The following ZNF516 variants were observed in gnomAD, a reference collection of about 807,000 sequenced individuals.
The protein encoded by ZNF516 is zinc finger protein 516.
ZNF516 carries 19 observed loss-of-function variants against 79.7 expected under a neutral mutation model. The ratio of observed to expected loss-of-function variants is 0.24; its 90% CI spans 0.17 to 0.35. The LOEUF (loss-of-function observed/expected upper bound fraction) is 0.35. Ranked by LOEUF, ZNF516 falls within the 10% of genes least tolerant of loss-of-function variation. ZNF516 has a pLI of 1.00. For synonymous variants in ZNF516, 877 were observed against 739.5 expected, an observed-to-expected ratio of 1.19 and a Z score of -3.02; for missense variants, 1,678 against 1,679.5, an observed-to-expected ratio of 1.00 and a Z score of 0.02.
At chr18:76,363,274 A>G (rs563722651) in intron 6 of ZNF516, among the ~76,000 whole-genome samples, 43 of 152,372 alleles carry the variant, frequency 2.8e-4, no homozygotes, top group African/African-American at 1.0e-3. Context: ...ATTAACCTTC[A>G]GCTAAAATCT....
In ZNF516 at chr18:76,441,570, G is replaced by T. The variant is rs1475545078; in HGVS notation, c.1485C>A (p.Pro495=). The T allele has an allele frequency of 8.2e-6, 12 of 1,467,200 alleles. No homozygotes were observed. The Admixed American group carries it at 1.4e-4, about 17-fold the overall frequency. 90.9% of individuals were successfully genotyped at this position (1,467,200 alleles called of 1,614,324 possible). A position where few individuals can be genotyped will look rare whatever the true frequency, so the allele number is the denominator to read the frequency against. ...TGCGGTTGGGGCGCGCGGCCGAGCG[G>T]GGATCGAGGTGGCCGGCGGGCGCGG... is the stretch of plus-strand genomic sequence containing the variant. The part of the protein sequence containing the change: ...GDPAPAGHLD[P]RSAARPNRRA... The change falls in exon 3 of 7, where the codon CCC becomes CCA. Residue 495 remains proline (P), a synonymous_variant. Coordinates refer to ENST00000443185, the MANE Select transcript of ZNF516 (RefSeq NM_014643.4).
In ZNF516 at chr18:76,369,679, G is replaced by A. The variant is rs1477304785; in HGVS notation, c.3432+849C>T. The stretch of plus-strand genomic sequence containing the variant: ...ATCCCACAGACAATTAGATATTTCA[G>A]CGCAGGGACACAAACTGAATTCCAC... On this transcript the variant is annotated intron_variant, in intron 6 of 6. Transcript: ENST00000443185. Among the ~76,000 whole-genome samples the A allele has an allele frequency of 2.6e-5, 4 of 152,168 alleles. No homozygotes were observed. In the East Asian group the frequency reaches 5.8e-4, roughly 22 times the overall value.
Position 76,371,566 on chromosome 18 carries a change from G to A in ZNF516, c.3265C>T (p.Leu1089Phe), listed in dbSNP as rs767541443. 1.6e-5 allele frequency: 25 copies of A among 1,609,448 alleles called. No homozygotes were observed. Among genetic ancestry groups the A allele is most frequent in the Non-Finnish European group, 2.0e-5 (24 of 1,179,570 alleles). Residue 1089 changes from leucine to phenylalanine, a missense_variant, in exon 5 of 7, where the codon CTC becomes TTC. Leu to Phe is a conservative substitution (Grantham distance 22). Coordinates refer to ENST00000443185, the MANE Select transcript of ZNF516 (RefSeq NM_014643.4). The stretch of plus-strand genomic sequence containing the variant: ...TCTCCTGGCCGGGCCTGCGTCCGGA[G>A]TGTCCCTGCGGTGGCGAGGTGGTGG... The part of the protein sequence containing the change: ...SGPGLEHRGT[L>F]RTQARPGEFV...
At chr18:76,491,632 G>A (rs970991481) in intron 1 of ZNF516, 6 of 691,282 alleles carry the variant, frequency 8.7e-6, no homozygotes, top group African/African-American at 8.1e-5. Flanking sequence ...CCCGCCCACG[G>A]CCCTCCTCCT....
In ZNF516 at chr18:76,380,311, A is replaced by C; in HGVS notation, c.1811-8T>G. 2 of 1,609,258 alleles carry C rather than the reference A, an allele frequency of 1.2e-6. No homozygotes were observed. Among genetic ancestry groups the C allele is most frequent in the Non-Finnish European group, 1.7e-6 (2 of 1,177,428 alleles). On this transcript the variant is annotated splice_region_variant and splice_polypyrimidine_tract_variant and intron_variant, in intron 3 of 6. Coordinates refer to ENST00000443185, the MANE Select transcript of ZNF516 (RefSeq NM_014643.4). ...AGCGGCGCGGCTGTCCCCCTAGAGG[A>C]GGCAAAATATGAAACGGGAAGTTAC...
At chr18:76,423,874 G>A (rs562484164) in intron 3 of ZNF516, among the ~76,000 whole-genome samples, 5 of 148,198 alleles carry the variant, frequency 3.4e-5, no homozygotes, top group African/African-American at 1.3e-4. Flanking sequence ...ACACACGCAG[G>A]TGAAAAGGTT....
At chr18:76,364,843 A>G (rs1426959073) in intron 6 of ZNF516, among the ~76,000 whole-genome samples, 4 of 152,242 alleles carry the variant, frequency 2.6e-5, no homozygotes, top group Admixed American at 6.5e-5. Context: ...CCAACAAACC[A>G]TAAGTAAACA....
intron 3 of ZNF516, among the ~76,000 whole-genome samples, chr18:76,398,903 A>AT (rs539708577): frequency 6.6e-4 from 100 of 152,314 alleles, no homozygotes; most frequent in Middle Eastern, 3.4e-3. Flanking sequence ...AGAAACTGTA[A>AT]TGAGTCTTTA....
At chr18:76,405,711 C>T (rs1218040128) in intron 3 of ZNF516, among the ~76,000 whole-genome samples, 1 of 152,020 alleles carries the variant, frequency 6.6e-6, no homozygotes, top group Non-Finnish European at 1.5e-5. Flanking sequence ...TTTTACCAAA[C>T]GCCCCCGGTT....
intron 1 of ZNF516, among the ~76,000 whole-genome samples, chr18:76,480,299 C>A (rs1048371962): frequency 1.3e-4 from 19 of 151,980 alleles, no homozygotes; most frequent in Non-Finnish European, 7.4e-5. Context: ...TTTCCTTTTA[C>A]CTCTCGATGT....
intron 3 of ZNF516, among the ~76,000 whole-genome samples, chr18:76,440,353 G>C (rs2075798413): frequency 6.6e-6 from 1 of 152,198 alleles, no homozygotes; most frequent in South Asian, 2.1e-4. Flanking sequence ...CCCCGGGCTT[G>C]GATTTCTATC....
At chr18:76,416,334 G>GCTCC (rs906604564) in intron 3 of ZNF516, among the ~76,000 whole-genome samples, 1 of 152,236 alleles carries the variant, frequency 6.6e-6, no homozygotes, top group African/African-American at 2.4e-5. Flanking sequence ...AGCTAGTGAT[G>GCTCC]CTCCCCAAGT....
chr18:76,427,152 C>T (rs2075605853), intron 3 of ZNF516, among the ~76,000 whole-genome samples: 1 of 152,200 alleles, frequency 6.6e-6, no homozygotes, highest in South Asian at 2.1e-4. Context: ...CCCTTCTTCC[C>T]TTCACACTCT....
intron 1 of ZNF516, chr18:76,492,737 C>G (rs1437973127): frequency 1.0e-6 from 1 of 985,404 alleles, no homozygotes; most frequent in African/African-American, 1.7e-5. Flanking sequence ...CAGCCCTCCT[C>G]TTTTCTCCCC....
At chr18:76,453,558 A>G (rs1912547305) in intron 2 of ZNF516, among the ~76,000 whole-genome samples, 1 of 152,218 alleles carries the variant, frequency 6.6e-6, no homozygotes, top group Non-Finnish European at 1.5e-5. Flanking sequence ...AAACTCATCA[A>G]TTTCTATCTT....
In ZNF516 at chr18:76,362,597, TCTGC is replaced by T. The variant is rs751067662; in HGVS notation, c.3433-44_3433-41del. 5 of 1,575,614 alleles carry T rather than the reference TCTGC, an allele frequency of 3.2e-6. No homozygotes were observed. The Admixed American group carries it at 6.8e-5, about 22-fold the overall frequency. On this transcript the variant is annotated intron_variant, in intron 6 of 6. Transcript: ENST00000443185. The stretch of plus-strand genomic sequence containing the variant: ...GGAAAGAACAGGAGAAAAGCTCATT[TCTGC>T]CTTTTGGTTTCTAAATGCATTTTTC...
chr18:76,464,773 A>G (rs1913353931), intron 1 of ZNF516, among the ~76,000 whole-genome samples: 1 of 151,254 alleles, frequency 6.6e-6, no homozygotes, highest in South Asian at 2.1e-4. Context: ...CTGGCACCCC[A>G]GCCTGGCCAT....
chr18:76,389,171 G>A (rs1568251109), intron 3 of ZNF516: 1 of 152,110 alleles, frequency 6.6e-6, no homozygotes, highest in Non-Finnish European at 1.5e-5. Flanking sequence ...CCTTGCAGGT[G>A]GCATCTGAGA....
intron 3 of ZNF516, chr18:76,386,678 A>G (rs938682826): frequency 2.6e-5 from 4 of 152,152 alleles, no homozygotes; most frequent in African/African-American, 7.2e-5. Flanking sequence ...GAACAATTGC[A>G]TGTACAGAGA....
Sources: gnomAD v4.1 joint callset for allele counts (sites outside exome capture counted in the v4.1 genomes callset) on GRCh38, gnomAD v4.1.1 for gene constraint, MANE v1.5 for transcripts, NCBI Gene and HGNC (gene_info 2026-07-23, HGNC 2026-07-21) for gene names.